Variants in POFUT3 observed in about 807,000 individuals in gnomAD.
POFUT3 encodes protein O-fucosyltransferase 3.
At chr8:33,370,867 C>A in the POFUT3 span, 1 of 152,182 alleles carries the variant, frequency 6.6e-6, no homozygotes, top group South Asian at 2.1e-4. Flanking sequence ...AGGAATCCCC[C>A]TTTCCAGTCT....
At chr8:33,347,108 G>A in the POFUT3 span, among the ~76,000 whole-genome samples, 2 of 152,012 alleles carry the variant, frequency 1.3e-5, no homozygotes, top group South Asian at 2.1e-4. Context: ...CTTCTCCTGC[G>A]CCTGTCACCA....
chr8:33,392,570 C>A, the POFUT3 span, among the ~76,000 whole-genome samples: 1 of 152,058 alleles, frequency 6.6e-6, no homozygotes, highest in African/African-American at 2.4e-5. Flanking sequence ...CAGAGCGAGA[C>A]TCTGTCTCAA....
chr8:33,325,388 T>C, the POFUT3 span, among the ~76,000 whole-genome samples: 1 of 152,214 alleles, frequency 6.6e-6, no homozygotes, highest in Non-Finnish European at 1.5e-5. Flanking sequence ...CTATCACTTA[T>C]CAATTATGAT....
chr8:33,355,198 A>C, the POFUT3 span, among the ~76,000 whole-genome samples: 1 of 152,218 alleles, frequency 6.6e-6, no homozygotes, highest in East Asian at 1.9e-4. Context: ...AATACATGCC[A>C]ACCAGATTAT....
chr8:33,309,168 AT>A, the POFUT3 span, among the ~76,000 whole-genome samples: 4,894 of 39,414 alleles, frequency 0.12, 212 homozygotes, highest in Non-Finnish European at 0.17. Context: ...AAAAAAAAAA[AT>A]ATATATATAT....
the POFUT3 span, among the ~76,000 whole-genome samples, chr8:33,331,823 C>A: frequency 3.9e-5 from 6 of 152,042 alleles, no homozygotes; most frequent in East Asian, 2.0e-4. Context: ...CTACAGGCGC[C>A]CGCCACCACG....
chr8:33,427,598 A>G, the POFUT3 span, among the ~76,000 whole-genome samples: 1 of 151,838 alleles, frequency 6.6e-6, no homozygotes, highest in Non-Finnish European at 1.5e-5. Context: ...GCAAAAAATA[A>G]AAAACAAATT....
chr8:33,322,682 C>A, the POFUT3 span, among the ~76,000 whole-genome samples: 1 of 152,102 alleles, frequency 6.6e-6, no homozygotes, highest in African/African-American at 2.4e-5. Flanking sequence ...ATCTAATCCA[C>A]TTAATGGGTC....
chr8:33,373,467 G>A, the POFUT3 span, among the ~76,000 whole-genome samples: 2 of 152,074 alleles, frequency 1.3e-5, no homozygotes, highest in Non-Finnish European at 2.9e-5. Flanking sequence ...ATACCTCCCA[G>A]CTTCAAAATG....
At chr8:33,466,529 G>A in the POFUT3 span, among the ~76,000 whole-genome samples, 1 of 151,820 alleles carries the variant, frequency 6.6e-6, no homozygotes, top group Non-Finnish European at 1.5e-5. Flanking sequence ...GGAAAGAAGG[G>A]CAGGGCAGGG....
At chr8:33,436,747 C>CATGG in the POFUT3 span, 1 of 624,958 alleles carries the variant, frequency 1.6e-6, no homozygotes. Context: ...CTCCTTGCAG[C>CATGG]ACGGACGCTT....
At chr8:33,404,627 T>TTAG in the POFUT3 span, among the ~76,000 whole-genome samples, 15 of 152,194 alleles carry the variant, frequency 9.9e-5, no homozygotes, top group Admixed American at 2.0e-4. Flanking sequence ...CCACTTTGGG[T>TTAG]CAAGTTCTTG....
At chr8:33,469,969 A>C in the POFUT3 span, among the ~76,000 whole-genome samples, 1 of 151,396 alleles carries the variant, frequency 6.6e-6, no homozygotes, top group Admixed American at 6.6e-5. Flanking sequence ...CTAATTTTGT[A>C]TTTTTAGTAG....
chr8:33,439,050 T>G, the POFUT3 span, among the ~76,000 whole-genome samples: 1 of 152,222 alleles, frequency 6.6e-6, no homozygotes, highest in Admixed American at 6.5e-5. Flanking sequence ...AAGCTACCAC[T>G]TCCTTCTGCT....
the POFUT3 span, among the ~76,000 whole-genome samples, chr8:33,454,512 C>T: frequency 6.6e-6 from 1 of 152,142 alleles, no homozygotes; most frequent in Admixed American, 6.6e-5. Context: ...GTCTCTTTTG[C>T]CTCCTAAAGT....
chr8:33,372,131 G>A, the POFUT3 span: 571 of 987,208 alleles, frequency 5.8e-4, 3 homozygotes, highest in African/African-American at 8.7e-3. Context: ...ACCAACAGAT[G>A]GGATCTCTCA....
the POFUT3 span, among the ~76,000 whole-genome samples, chr8:33,418,574 A>G: frequency 6.6e-6 from 1 of 152,094 alleles, no homozygotes; most frequent in African/African-American, 2.4e-5. Flanking sequence ...AAGTGCTGAG[A>G]TTACAGGCGT....
chr8:33,379,865 A>AATAT, the POFUT3 span, among the ~76,000 whole-genome samples: 2 of 128,744 alleles, frequency 1.6e-5, no homozygotes, highest in African/African-American at 5.9e-5. Context: ...ATATATATAT[A>AATAT]ATATATATAT....
the POFUT3 span, among the ~76,000 whole-genome samples, chr8:33,357,514 A>ATG: frequency 0.04 from 5,976 of 149,036 alleles, 244 homozygotes; most frequent in East Asian, 0.11. Context: ...ATATATATGT[A>ATG]TGTGTGTGTG....
Sources: gnomAD v4.1 joint callset for allele counts (sites outside exome capture counted in the v4.1 genomes callset) on GRCh38, gnomAD v4.1.1 for gene constraint, MANE v1.5 for transcripts, NCBI Gene and HGNC (gene_info 2026-07-23, HGNC 2026-07-21) for gene names.